Variants in CDHR3 observed in about 807,000 individuals in gnomAD.
The protein encoded by CDHR3 is cadherin-related family member 3.
CDHR3 carries 79 observed loss-of-function variants against 86.6 expected under a neutral mutation model. That is an observed-to-expected ratio of 0.91 (90% confidence interval 0.76 to 1.10). The LOEUF (loss-of-function observed/expected upper bound fraction) is 1.10. Among genes scored for constraint, CDHR3 ranks in the 50% least tolerant of loss-of-function variants. CDHR3 has a pLI of 0.00. For missense variants in CDHR3, 1,081 were observed against 1,077.6 expected, an observed-to-expected ratio of 1.00 and a Z score of -0.04; for synonymous variants, 421 against 402.4, an observed-to-expected ratio of 1.05 and a Z score of -0.55.
Position 106,001,506 on chromosome 7 carries a change from C to G in CDHR3, c.758C>G (p.Thr253Ser). The G allele has an allele frequency of 6.2e-7, 1 of 1,614,026 alleles. No homozygotes were observed. Among genetic ancestry groups the G allele is most frequent in the Non-Finnish European group, 8.5e-7 (1 of 1,179,904 alleles). The change falls in exon 7 of 19, where the codon ACC (threonine) becomes AGC (serine). Residue 253 changes from threonine to serine, a missense_variant. By Grantham distance (58) the Thr-to-Ser change is moderately conservative. Transcript: ENST00000317716. ...YTVLEELSPGTIVANITAEDP... is the reference protein window; with the variant it reads ...YTVLEELSPGSIVANITAEDP... ...GTCCTGGAGGAACTGAGTCCAGGAA[C>G]CATCGTGGCCAATATCACAGCGGAG...
intron 4 of CDHR3, among the ~76,000 whole-genome samples, chr7:105,993,395 C>T (rs6466079): frequency 0.14 from 20,757 of 151,982 alleles, 1,550 homozygotes; most frequent in African/African-American, 0.18. Context: ...TTAAGCTAGA[C>T]GCAGTGGCTC....
chr7:105,980,607 A>ATTTTTTTTTTTTTTTTTTTTTT (rs35517726), intron 2 of CDHR3, among the ~76,000 whole-genome samples: 2 of 98,524 alleles, frequency 2.0e-5, no homozygotes, highest in African/African-American at 3.9e-5. Context: ...TTTTTTTTTA[A>ATTTTTTTTTTTTTTTTTTTTTT]TTTTTTTTTT....
chr7:105,979,380 C>T (rs1484132105), intron 2 of CDHR3, among the ~76,000 whole-genome samples: 3 of 152,130 alleles, frequency 2.0e-5, no homozygotes, highest in Non-Finnish European at 4.4e-5. Context: ...CTTTTTCCCC[C>T]CTCGACAATC....
intron 8 of CDHR3, 84 bp from the exon 9 acceptor site, chr7:106,012,776 A>G (rs1835013744): frequency 2.2e-6 from 3 of 1,388,188 alleles, no homozygotes; most frequent in Non-Finnish European, 9.8e-7. Context: ...GTTAAAGTAG[A>G]GGTGTCTAGC....
chr7:106,022,499 G>A, intron 14 of CDHR3, 51 bp downstream of exon 14: 1 of 1,585,866 alleles, frequency 6.3e-7, no homozygotes, highest in African/African-American at 1.3e-5. Flanking sequence ...TGTGAGTTAT[G>A]TTGATGGACT....
intron 6 of CDHR3, among the ~76,000 whole-genome samples, chr7:106,000,934 A>T (rs1402566595): frequency 6.6e-6 from 1 of 151,020 alleles, no homozygotes; most frequent in Non-Finnish European, 1.5e-5. Flanking sequence ...GAAGAAAAAA[A>T]AGTGAGCAAA....
intron 16 of CDHR3, among the ~76,000 whole-genome samples, chr7:106,027,024 A>G (rs1030947384): frequency 2.0e-5 from 3 of 152,208 alleles, no homozygotes; most frequent in Admixed American, 1.3e-4. Flanking sequence ...TTAAATGTAG[A>G]CAGGACCTGC....
intron 12 of CDHR3, among the ~76,000 whole-genome samples, chr7:106,019,213 G>A (rs754735113): frequency 1.3e-5 from 2 of 152,154 alleles, no homozygotes; most frequent in Non-Finnish European, 2.9e-5. Flanking sequence ...GCTTATCTCC[G>A]TGTCCATATT....
intron 8 of CDHR3, among the ~76,000 whole-genome samples, chr7:106,011,637 G>T (rs1393958424): frequency 6.6e-6 from 1 of 152,120 alleles, no homozygotes; most frequent in African/African-American, 2.4e-5. Flanking sequence ...TCAGTTTTGG[G>T]ACAGTGTGTT....
At chr7:106,013,843 GA>G (rs1367467036) in intron 9 of CDHR3, among the ~76,000 whole-genome samples, 3 of 152,182 alleles carry the variant, frequency 2.0e-5, no homozygotes, top group African/African-American at 4.8e-5. Flanking sequence ...AGAAAGCACA[GA>G]AAAGCATCAC....
chr7:105,978,632 A>G (rs1018212969), intron 2 of CDHR3, among the ~76,000 whole-genome samples: 1 of 152,044 alleles, frequency 6.6e-6, no homozygotes, highest in African/African-American at 2.4e-5. Flanking sequence ...TTACCAACCT[A>G]TGGTCATTGT....
rs747895280 is a variant in CDHR3, at chr7:106,032,526, G to C, written c.2487G>C (p.Gly829=). 2 of 1,614,014 alleles carry C rather than the reference G, an allele frequency of 1.2e-6. No individual in the cohort carries two copies. Among genetic ancestry groups the C allele is most frequent in the Admixed American group, 3.3e-5 (2 of 60,030 alleles). ...AAPRRVTAGE[G]MGSLRSANWE... ...CACGCAGAGTCACTGCTGGGGAAGG[G>C]ATGGGGTCACTGAGAAGTGCCAACT... Residue 829 remains glycine (G), a synonymous_variant, in exon 19 of 19, where the codon GGG becomes GGC. Coordinates refer to ENST00000317716, the MANE Select transcript of CDHR3 (RefSeq NM_152750.5).
chr7:105,996,263 G>A lies in CDHR3; in HGVS notation c.622G>A (p.Val208Met), dbSNP rs200019471. ...EAGHRSFHLI[V>M]EVRDSGGLKA... ...TTTCCCTGGCAGTTTCCATCTCATC[G>A]TGGAGGTGAGGGACAGTGGAGGCCT... Residue 208 changes from valine to methionine, a missense_variant, in exon 6 of 19, where the codon GTG becomes ATG. Transcript: ENST00000317716. 2.5e-4 allele frequency: 400 copies of A among 1,583,804 alleles called. No individual in the cohort carries two copies. The highest frequency in any genetic ancestry group is 2.6e-4 in the Non-Finnish European group (297 of 1,154,590).
intron 17 of CDHR3, 92 bp downstream of exon 17, chr7:106,028,674 G>A (rs1363843942): frequency 1.4e-6 from 2 of 1,387,464 alleles, no homozygotes; most frequent in Non-Finnish European, 2.0e-6. Flanking sequence ...AGCCTTGTGG[G>A]CATGTTTATC....
At chr7:105,964,257 A>G (rs1826515368) in intron 1 of CDHR3, among the ~76,000 whole-genome samples, 1 of 151,918 alleles carries the variant, frequency 6.6e-6, no homozygotes, top group South Asian at 2.1e-4. Context: ...TAGTTCTTTT[A>G]CTTTTTCTTT....
chr7:105,974,776 C>T lies in CDHR3; in HGVS notation c.47-68C>T, dbSNP rs139640291. The T allele has an allele frequency of 8.1e-4, 1,030 of 1,274,170 alleles. 8 individuals are homozygous for T. The African/African-American group carries it at 0.013, about 17-fold the overall frequency. 78.9% of individuals were successfully genotyped at this position (1,274,170 alleles called of 1,614,324 possible). On this transcript the variant is annotated intron_variant, in intron 1 of 18. Transcript: ENST00000317716. Reference sequence around the variant, plus strand: ...CTACGAATTGAAGCCACAAACCAAGCTGTTAAGTCCCTGTTCCCAGCAAAA... The same window carrying T: ...CTACGAATTGAAGCCACAAACCAAGTTGTTAAGTCCCTGTTCCCAGCAAAA...
At chr7:106,017,332 G>T (rs1052260102) in intron 11 of CDHR3, among the ~76,000 whole-genome samples, 1 of 152,016 alleles carries the variant, frequency 6.6e-6, no homozygotes, top group Non-Finnish European at 1.5e-5. Flanking sequence ...CGAGCTGGGC[G>T]GATCACTTGA....
chr7:106,028,079 C>T (rs1016997783), intron 16 of CDHR3, among the ~76,000 whole-genome samples: 2 of 150,750 alleles, frequency 1.3e-5, no homozygotes, highest in Admixed American at 6.6e-5. Flanking sequence ...GAGTTGTGAC[C>T]GCACTCTAGC....
intron 4 of CDHR3, among the ~76,000 whole-genome samples, chr7:105,989,272 C>G (rs947573983): frequency 6.6e-6 from 1 of 150,746 alleles, no homozygotes; most frequent in Non-Finnish European, 1.5e-5. Flanking sequence ...ACCCTCCTCC[C>G]ATTCAACTCC....
Sources: gnomAD v4.1 joint callset for allele counts (sites outside exome capture counted in the v4.1 genomes callset) on GRCh38, gnomAD v4.1.1 for gene constraint, MANE v1.5 for transcripts, NCBI Gene and HGNC (gene_info 2026-07-23, HGNC 2026-07-21) for gene names.